The following GABRB3 variants were observed in gnomAD, a reference collection of about 807,000 sequenced individuals.
GABRB3 encodes the protein gamma-aminobutyric acid receptor subunit beta-3.
A neutral mutation model predicts 52.1 loss-of-function variants in GABRB3; 14 were observed. That is an observed-to-expected ratio of 0.27 (90% CI 0.18 to 0.42). The LOEUF (loss-of-function observed/expected upper bound fraction) is 0.42. Ranked by LOEUF, GABRB3 falls within the 10% of genes least tolerant of loss-of-function variation. GABRB3 has a pLI of 1.00. For missense variants in GABRB3, 307 were observed against 609.1 expected (o/e 0.50, Z 5.22); for synonymous variants, 260 against 232.3 (o/e 1.12, Z -1.08).
At chr15:26,629,014 G>A in intron 3 of GABRB3, 1 of 1,536,168 alleles carries the variant, frequency 6.5e-7, no homozygotes, top group East Asian at 2.4e-5. Flanking sequence ...GGGGACACGA[G>A]GGAGTCTCCC....
At chr15:26,750,614 G>A (rs1428890031) in intron 3 of GABRB3, among the ~76,000 whole-genome samples, 1 of 152,174 alleles carries the variant, frequency 6.6e-6, no homozygotes, top group Non-Finnish European at 1.5e-5. Context: ...ACTAAAATGT[G>A]TGTTTACATT....
intron 8 of GABRB3, among the ~76,000 whole-genome samples, chr15:26,550,926 T>C (rs889389049): frequency 1.1e-4 from 16 of 152,210 alleles, no homozygotes; most frequent in African/African-American, 3.9e-4. Context: ...AAGATACATT[T>C]GCATTGTGCC....
At position 26,715,927 on chromosome 15, in the gene GABRB3, T is replaced by C. The variant is rs1889452047; in HGVS notation, c.240+56475A>G. 3.3e-5 allele frequency among the ~76,000 whole-genome samples: 5 copies of C among 152,314 alleles called. No individual in the cohort carries two copies. The South Asian group carries it at 8.3e-4, about 25-fold the overall frequency. ...CTCTAAGATTTCCAGACTTGCTACA[T>C]CTTCCAGACACAAAAAGCAAAATAC... On this transcript the variant is annotated intron_variant, in intron 3 of 8. Coordinates refer to ENST00000311550, the MANE Select transcript of GABRB3 (RefSeq NM_000814.6).
intron 3 of GABRB3, among the ~76,000 whole-genome samples, chr15:26,646,748 AATTAAG>A (rs1198982130): frequency 2.0e-4 from 31 of 152,260 alleles, no homozygotes; most frequent in Admixed American, 1.6e-3. Flanking sequence ...TCCTAGCTGG[AATTAAG>A]TGGTATCTCA....
chr15:26,697,510 G>A (rs749949296), intron 3 of GABRB3, among the ~76,000 whole-genome samples: 3 of 151,974 alleles, frequency 2.0e-5, no homozygotes, highest in Non-Finnish European at 4.4e-5. Flanking sequence ...CTCCACCCTG[G>A]CACACTCTCT....
At chr15:26,675,493 G>A (rs1429926096) in intron 3 of GABRB3, among the ~76,000 whole-genome samples, 1 of 152,136 alleles carries the variant, frequency 6.6e-6, no homozygotes, top group African/African-American at 2.4e-5. Flanking sequence ...GGTAAGCAGT[G>A]TTAAAAATGA....
At chr15:26,560,037 C>T (rs1176693747) in intron 8 of GABRB3, among the ~76,000 whole-genome samples, 1 of 152,182 alleles carries the variant, frequency 6.6e-6, no homozygotes, top group Non-Finnish European at 1.5e-5. Context: ...GATAATTTTA[C>T]AACTAAAGGA....
chr15:26,749,460 C>T (rs1837336274), intron 3 of GABRB3, among the ~76,000 whole-genome samples: 2 of 152,164 alleles, frequency 1.3e-5, no homozygotes, highest in African/African-American at 4.8e-5. Context: ...TTCTGAAATG[C>T]TCTCTGGGCA....
intron 8 of GABRB3, among the ~76,000 whole-genome samples, chr15:26,553,811 T>A (rs991474690): frequency 6.6e-6 from 1 of 151,794 alleles, no homozygotes; most frequent in Non-Finnish European, 1.5e-5. Flanking sequence ...GTCTAACTGA[T>A]GAGACCTTAA....
chr15:26,693,865 T>C (rs1410521213), intron 3 of GABRB3, among the ~76,000 whole-genome samples: 1 of 152,172 alleles, frequency 6.6e-6, no homozygotes, highest in African/African-American at 2.4e-5. Flanking sequence ...CCTATACTTT[T>C]GAGAGTTTTT....
chr15:26,741,252 G>A (rs889091526), intron 3 of GABRB3, among the ~76,000 whole-genome samples: 1 of 152,182 alleles, frequency 6.6e-6, no homozygotes, highest in Non-Finnish European at 1.5e-5. Flanking sequence ...ATGATGAATA[G>A]TTGCTTTCAG....
At chr15:26,674,464 AAAAGAAAG>A (rs56220022) in intron 3 of GABRB3, among the ~76,000 whole-genome samples, 1 of 137,542 alleles carries the variant, frequency 7.3e-6, no homozygotes, top group Non-Finnish European at 1.6e-5. Context: ...AAAGAAAAGA[AAAAGAAAG>A]AAAGAAAGAG....
At chr15:26,686,191 T>C (rs1888400364) in intron 3 of GABRB3, among the ~76,000 whole-genome samples, 1 of 152,146 alleles carries the variant, frequency 6.6e-6, no homozygotes, top group Non-Finnish European at 1.5e-5. Flanking sequence ...GGGATCTTCC[T>C]GCCTCCACCT....
intron 3 of GABRB3, among the ~76,000 whole-genome samples, chr15:26,640,615 T>C (rs1455772765): frequency 2.0e-5 from 3 of 152,202 alleles, no homozygotes; most frequent in African/African-American, 7.2e-5. Context: ...GTGAGTAAGG[T>C]TGGATATTAA....
intron 3 of GABRB3, among the ~76,000 whole-genome samples, chr15:26,648,081 C>A (rs913709824): frequency 2.0e-5 from 3 of 152,158 alleles, no homozygotes; most frequent in Non-Finnish European, 4.4e-5. Flanking sequence ...ACCGTCATGA[C>A]CATCCATCTG....
chr15:26,553,777 C>A lies in GABRB3; in HGVS notation c.1081-5643G>T, dbSNP rs139254532. 2.9e-4 allele frequency among the ~76,000 whole-genome samples: 44 copies of A among 152,016 alleles called. 1 individual carries two copies. The highest frequency in any genetic ancestry group is 1.1e-3 in the African/African-American group (44 of 41,452). On this transcript the variant is annotated intron_variant, in intron 8 of 8. Coordinates refer to ENST00000311550, the MANE Select transcript of GABRB3 (RefSeq NM_000814.6). ...CTTAGTCAGGAGCACAAAGTGAACA[C>A]AAGAAGGTCCTCACCCTCAAGGGGT... is the stretch of plus-strand genomic sequence containing the variant.
chr15:26,730,381 G>C (rs1429120264), intron 3 of GABRB3, among the ~76,000 whole-genome samples: 2 of 136,262 alleles, frequency 1.5e-5, no homozygotes, highest in Non-Finnish European at 1.5e-5. Flanking sequence ...TCGCGCCACT[G>C]CACTCCAGCC....
intron 3 of GABRB3, chr15:26,642,482 G>A (rs775810531): frequency 6.1e-5 from 78 of 1,288,742 alleles, no homozygotes; most frequent in Middle Eastern, 2.1e-4. Context: ...TATAAGCCAC[G>A]TTAGTTCCAC....
intron 3 of GABRB3, among the ~76,000 whole-genome samples, chr15:26,710,117 C>G (rs1248728567): frequency 6.6e-6 from 1 of 152,158 alleles, no homozygotes; most frequent in African/African-American, 2.4e-5. Flanking sequence ...TGTACCTTCT[C>G]TTTATTGCCA....
Sources: allele counts gnomAD v4.1 joint callset (sites outside exome capture counted in the v4.1 genomes callset), GRCh38; gene constraint gnomAD v4.1.1; transcripts MANE v1.5; gene names NCBI Gene and HGNC (gene_info 2026-07-23, HGNC 2026-07-21).